Variants in HMCN2 observed in about 807,000 individuals in gnomAD.
HMCN2 encodes hemicentin 2.
In HMCN2, 325 loss-of-function variants were observed where a neutral mutation model predicts 377.5. That is an observed-to-expected ratio of 0.86 (90% CI 0.79 to 0.94). The LOEUF is 0.94. Among genes scored for constraint, HMCN2 ranks in the 40% least tolerant of loss-of-function variants. The pLI is 0.00. For missense variants in HMCN2, 4,543 were observed against 4,725.3 expected (o/e 0.96, Z 1.13); for synonymous variants, 2,007 against 2,046.8 (o/e 0.98, Z 0.53).
intron 29 of HMCN2, among the ~76,000 whole-genome samples, chr9:130,350,490 G>A (rs1414924066): frequency 1.3e-5 from 2 of 151,796 alleles, no homozygotes; most frequent in Non-Finnish European, 2.9e-5. Flanking sequence ...CTAGGAGGTG[G>A]AGGTTGCAGT....
chr9:130,389,730 A>G (rs1427014971), intron 62 of HMCN2, among the ~76,000 whole-genome samples: 1 of 151,668 alleles, frequency 6.6e-6, no homozygotes, highest in Non-Finnish European at 1.5e-5. Context: ...TCGCACCACC[A>G]CGCCCAGCTA....
In HMCN2 at chr9:130,406,021, C is replaced by T. The variant is rs902351893; in HGVS notation, c.12406C>T (p.His4136Tyr). Residue 4136 changes from histidine (H) to tyrosine (Y), a missense_variant, in exon 82 of 98, where the codon CAC (histidine) becomes TAC (tyrosine). This residue lies in a region of HMCN2 where 1,073 missense variants were observed against 1,319.5 expected (regional missense o/e 0.81). Transcript: ENST00000683500. The stretch of plus-strand genomic sequence containing the variant: ...CGTGGGCCGGGCCCGCCGCCGCGTG[C>T]ACCTCACCATCCTGGTACTGCCTGT... ...NAVGRARRRV[H>Y]LTILVLPVFT... 2 of 1,289,828 alleles carry T rather than the reference C, an allele frequency of 1.6e-6. No homozygotes were observed. The highest frequency in any genetic ancestry group is 2.0e-6 in the Non-Finnish European group (2 of 988,874). The allele number at this position is 1,289,828 out of a possible 1,614,324, so 79.9% of individuals were successfully genotyped here.
At chr9:130,334,816 CCTCTCT>C (rs1222248900) in intron 22 of HMCN2, among the ~76,000 whole-genome samples, 12 of 141,626 alleles carry the variant, frequency 8.5e-5, no homozygotes, top group African/African-American at 3.1e-4. Flanking sequence ...CTCTCTCTCT[CCTCTCT>C]CTCTCTCTCT....
intron 22 of HMCN2, among the ~76,000 whole-genome samples, chr9:130,334,549 GTTTT>G (rs1192246439): frequency 0.014 from 1,343 of 99,070 alleles, 5 homozygotes; most frequent in Non-Finnish European, 0.015. Flanking sequence ...ACTTTTGGAA[GTTTT>G]TTTTTTTTTT....
chr9:130,433,962 T>A lies in HMCN2; in HGVS notation c.*269T>A. 1 of 385,822 alleles carries A rather than the reference T, an allele frequency of 2.6e-6. No homozygotes were observed. The highest frequency in any genetic ancestry group is 4.6e-6 in the Non-Finnish European group (1 of 217,876). 23.9% of individuals were successfully genotyped at this position (385,822 alleles called of 1,614,324 possible). On this transcript the variant is annotated 3_prime_UTR_variant, in exon 98 of 98. Coordinates refer to ENST00000683500, the MANE Select transcript of HMCN2 (RefSeq NM_001291815.2). ...GAAGCCCGGATCAGACCTCCAGGTC[T>A]GATCCGCCCCTCAGTGGGAGCGGGA...
chr9:130,273,840 T>C (rs1464435610), intron 1 of HMCN2, among the ~76,000 whole-genome samples: 2 of 152,214 alleles, frequency 1.3e-5, no homozygotes, highest in South Asian at 2.1e-4. Flanking sequence ...TTGTATGATA[T>C]TGATTCTTGG....
At chr9:130,411,927 G>GT (rs1187266770) in intron 85 of HMCN2, among the ~76,000 whole-genome samples, 1 of 147,950 alleles carries the variant, frequency 6.8e-6, no homozygotes, top group Admixed American at 7.0e-5. Context: ...CTTACAAATG[G>GT]TTCAATGATA....
intron 31 of HMCN2, 58 bp downstream of exon 31, chr9:130,353,263 T>C (rs867466651): frequency 1.6e-6 from 2 of 1,273,692 alleles, no homozygotes; most frequent in Non-Finnish European, 2.1e-6. Flanking sequence ...TCAGCCATGG[T>C]GGCCCCTGCC....
At chr9:130,425,422 G>A (rs1844273865) in intron 89 of HMCN2, among the ~76,000 whole-genome samples, 2 of 151,884 alleles carry the variant, frequency 1.3e-5, no homozygotes, top group South Asian at 4.1e-4. Flanking sequence ...GGTTAGAAGA[G>A]GCTCTGGGAG....
rs2131800976 is a variant in HMCN2, at chr9:130,422,155, G to A, written c.13232-422G>A. Among the ~76,000 whole-genome samples the A allele has an allele frequency of 6.6e-6, 1 of 152,368 alleles. No homozygotes were observed. The highest frequency in any genetic ancestry group is 6.5e-5 in the Admixed American group (1 of 15,310). The stretch of plus-strand genomic sequence containing the variant: ...GGGGCTGTTCAGGTGATGGCACCCG[G>A]CTCTGGCTCGGTGCCCTGGCTCCTT... On this transcript the variant is annotated intron_variant, in intron 86 of 97. Coordinates refer to ENST00000683500, the MANE Select transcript of HMCN2 (RefSeq NM_001291815.2). This position sits in a 1 kb window ranked among gnomAD's most constrained non-coding sequence, Gnocchi z 4.2.
intron 53 of HMCN2, among the ~76,000 whole-genome samples, chr9:130,378,093 C>T (rs950327813): frequency 1.3e-5 from 2 of 152,050 alleles, no homozygotes; most frequent in African/African-American, 2.4e-5. Flanking sequence ...AGATGCCTCT[C>T]GCGTTGTTAG....
rs1024782302 is a variant in HMCN2 at position 130,353,129 on chromosome 9, C to A, written c.4788C>A (p.Ser1596=). ...TGCAGCTGGGGAGGGCCCAGAGCTC[C>A]GATGCCGGCGTCTACACCTGCAAGG... ...RQLQLGRAQS[S]DAGVYTCKAS... Residue 1596 remains serine (S), a synonymous_variant, in exon 31 of 98, where the codon TCC becomes TCA. Coordinates refer to ENST00000683500, the MANE Select transcript of HMCN2 (RefSeq NM_001291815.2). 2.3e-6 allele frequency: 3 copies of A among 1,304,056 alleles called. No homozygotes were observed. The South Asian group carries it at 3.7e-5, about 16-fold the overall frequency. 80.8% of individuals were successfully genotyped at this position (1,304,056 alleles called of 1,614,324 possible).
At chr9:130,355,416 C>A (rs2131541601) in intron 32 of HMCN2, among the ~76,000 whole-genome samples, 1 of 152,348 alleles carries the variant, frequency 6.6e-6, no homozygotes, top group East Asian at 1.9e-4. Flanking sequence ...GCTCTTCCAT[C>A]CATTGCTGAA....
At chr9:130,322,892 T>C (rs1311664955) in intron 19 of HMCN2, among the ~76,000 whole-genome samples, 1 of 152,242 alleles carries the variant, frequency 6.6e-6, no homozygotes, top group Admixed American at 6.5e-5. Context: ...TAATATCGTC[T>C]TTTTTCTTGT....
chr9:130,321,143 G>A (rs1298532917), intron 18 of HMCN2, among the ~76,000 whole-genome samples: 1 of 152,192 alleles, frequency 6.6e-6, no homozygotes, highest in Non-Finnish European at 1.5e-5. Flanking sequence ...TGGGAGCTCT[G>A]CAGGGCAATC....
rs954732506 is a variant in HMCN2, at chr9:130,325,576, A to T, written c.2921-19A>T. 5.9e-5 allele frequency: 9 copies of T among 152,312 alleles called. No individual in the cohort carries two copies. The highest frequency in any genetic ancestry group is 2.2e-4 in the African/African-American group (9 of 41,556). The allele number at this position is 152,312 out of a possible 1,614,324, so 9.4% of individuals were successfully genotyped here. On this transcript the variant is annotated intron_variant, in intron 19 of 97. Transcript: ENST00000683500. ...TGCTGCAATGAGCCTTGGCTTTGAC[A>T]TTGGTTTATTTATAACAGTGCCACC...
chr9:130,360,722 C>A lies in HMCN2; in HGVS notation c.5950+118C>A. On this transcript the variant is annotated intron_variant, in intron 38 of 97. Transcript: ENST00000683500. The surrounding 1 kb of genome is among the most constrained non-coding windows in gnomAD (Gnocchi z 4.7). Reference sequence around the variant, plus strand: ...CCATCCATCTACCACCCCATCCATCCGTTACCCCATCCATCCATCATCCAT... The same window carrying A: ...CCATCCATCTACCACCCCATCCATCAGTTACCCCATCCATCCATCATCCAT... 1 of 447,364 alleles carries A rather than the reference C, an allele frequency of 2.2e-6. No individual in the cohort carries two copies. Among genetic ancestry groups the A allele is most frequent in the Non-Finnish European group, 3.8e-6 (1 of 266,346 alleles). 27.7% of individuals were successfully genotyped at this position (447,364 alleles called of 1,614,324 possible).
rs1273340198 is a variant in HMCN2 at position 130,351,038 on chromosome 9, C to A, written c.4431-385C>A. Among the ~76,000 whole-genome samples, 1 of 152,174 alleles carries A rather than the reference C, an allele frequency of 6.6e-6. No individual in the cohort carries two copies. The highest frequency in any genetic ancestry group is 1.5e-5 in the Non-Finnish European group (1 of 68,026). ...GACCCATCAGCAGCCAGTCGCTGTC[C>A]CCTTCTCCCCAGCCCCTGGCAACCA... On this transcript the variant is annotated intron_variant, in intron 29 of 97. Coordinates refer to ENST00000683500, the MANE Select transcript of HMCN2 (RefSeq NM_001291815.2). The surrounding 1 kb of genome is among the most constrained non-coding windows in gnomAD (Gnocchi z 5.4).
At position 130,334,740 on chromosome 9, in the gene HMCN2, T is replaced by TTCTC. The variant is rs1838635086; in HGVS notation, c.3360-3152_3360-3149dup. 9.8e-5 allele frequency among the ~76,000 whole-genome samples: 12 copies of TTCTC among 122,724 alleles called. No individual in the cohort carries two copies. In the South Asian group the frequency reaches 1.5e-3, roughly 15 times the overall value. 80.5% of individuals were successfully genotyped at this position (122,724 alleles called of 152,430 possible). On this transcript the variant is annotated intron_variant, in intron 22 of 97. Transcript: ENST00000683500. The stretch of plus-strand genomic sequence containing the variant: ...CTCTCTCTTCTCTCTTTCTCTCTCT[T>TTCTC]TCTCTTTCTCTCTCTCTCTTCTCTC...
Sources: allele counts gnomAD v4.1 joint callset (sites outside exome capture counted in the v4.1 genomes callset), GRCh38; gene constraint gnomAD v4.1.1; regional missense constraint gnomAD v4.1.1; non-coding constraint Gnocchi (gnomAD v3.1); transcripts MANE v1.5; gene names NCBI Gene and HGNC (gene_info 2026-07-23, HGNC 2026-07-21).